Variants in MTRF1 observed in about 807,000 individuals in gnomAD.
MTRF1 encodes the protein peptide chain release factor 1, mitochondrial.
MTRF1 carries 51 observed loss-of-function variants against 62.9 expected under a neutral mutation model. The ratio of observed to expected loss-of-function variants is 0.81; its 90% CI spans 0.65 to 1.02. The LOEUF is 1.02. Ranked by LOEUF, MTRF1 falls within the 50% of genes least tolerant of loss-of-function variation. MTRF1 has a pLI of 0.00. For missense variants in MTRF1, 446 were observed against 530.0 expected (o/e 0.84, Z 1.56); for synonymous variants, 158 against 181.9 (o/e 0.87, Z 1.06).
At chr13:41,303,474 TA>T in the MTRF1 span, among the ~76,000 whole-genome samples, 1 of 152,178 alleles carries the variant, frequency 6.6e-6, no homozygotes, top group Non-Finnish European at 1.5e-5. Flanking sequence ...TGTTGTTGTT[TA>T]AAAAGAAAAC....
Position 41,260,807 on chromosome 13 carries a change from T to A in MTRF1, c.101A>T (p.His34Leu). ...AAAAACTTGCAGCCTTGTATCAAGA[T>A]GTATCTGTCTAAATTGATGAGAATG... Reference protein sequence around the residue: ...QLHSHQFRQIHLDTRLQVFRQ... With the variant: ...QLHSHQFRQILLDTRLQVFRQ... The change falls in exon 2 of 10, where the codon CAT becomes CTT. Residue 34 changes from histidine to leucine, a missense_variant. Coordinates refer to ENST00000379480, the MANE Select transcript of MTRF1 (RefSeq NM_004294.4). 6.2e-7 allele frequency: 1 copy of A among 1,614,164 alleles called. No homozygotes were observed. The highest frequency in any genetic ancestry group is 8.5e-7 in the Non-Finnish European group (1 of 1,180,008).
At chr13:41,249,582 TGAATAA>T (rs988612056) in intron 5 of MTRF1, among the ~76,000 whole-genome samples, 17 of 149,730 alleles carry the variant, frequency 1.1e-4, no homozygotes, top group African/African-American at 3.9e-4. Flanking sequence ...ATAATTTCAA[TGAATAA>T]AGGTTTATTC....
At chr13:41,270,803 T>A in the MTRF1 span, among the ~76,000 whole-genome samples, 1 of 152,190 alleles carries the variant, frequency 6.6e-6, no homozygotes, top group Non-Finnish European at 1.5e-5. Flanking sequence ...TGCAATGGTG[T>A]GATCTCAGCT....
At chr13:41,275,627 G>A in the MTRF1 span, among the ~76,000 whole-genome samples, 1 of 151,918 alleles carries the variant, frequency 6.6e-6, no homozygotes, top group African/African-American at 2.4e-5. Flanking sequence ...TGAGTAGCTG[G>A]GATTACAGGT....
intron 7 of MTRF1, chr13:41,229,562 A>C (rs2035129254): frequency 6.6e-6 from 1 of 152,154 alleles, no homozygotes; most frequent in African/African-American, 2.4e-5. Context: ...AAAGTCAGCA[A>C]TTTATGGCTA....
chr13:41,311,168 C>T, the MTRF1 span: 1 of 379,132 alleles, frequency 2.6e-6, no homozygotes, highest in East Asian at 5.8e-5. Flanking sequence ...GCGGTTGGTC[C>T]CCGCTACGCC....
chr13:41,220,328 A>C (rs1202453786), intron 9 of MTRF1, among the ~76,000 whole-genome samples: 2 of 150,694 alleles, frequency 1.3e-5, no homozygotes, highest in Non-Finnish European at 3.0e-5. Context: ...GTCTCGGAAA[A>C]AAAAAAAAAA....
chr13:41,223,000 A>G (rs1256607532), intron 9 of MTRF1, among the ~76,000 whole-genome samples: 2 of 152,238 alleles, frequency 1.3e-5, no homozygotes, highest in African/African-American at 4.8e-5. Flanking sequence ...CAGACTGAAT[A>G]TACGTTCATG....
At chr13:41,269,185 G>GTTTTT in the MTRF1 span, among the ~76,000 whole-genome samples, 177 of 96,440 alleles carry the variant, frequency 1.8e-3, no homozygotes, top group Non-Finnish European at 2.6e-3. Context: ...CTTTTACCTT[G>GTTTTT]TTTTTTTTTT....
chr13:41,296,730 AAT>A, the MTRF1 span, among the ~76,000 whole-genome samples: 83 of 152,172 alleles, frequency 5.5e-4, 1 homozygote, highest in African/African-American at 1.8e-3. Context: ...TATTTGTATG[AAT>A]ATGTTATTAA....
At chr13:41,249,615 T>TTTTC in intron 5 of MTRF1, among the ~76,000 whole-genome samples, 1 of 124,676 alleles carries the variant, frequency 8.0e-6, no homozygotes, top group African/African-American at 2.9e-5. Context: ...TTTGATTTTT[T>TTTTC]TTTCTTTTTT....
At chr13:41,265,030 T>C (rs77613050), upstream of MTRF1, among the ~76,000 whole-genome samples, 4,098 of 152,324 alleles carry the variant, frequency 0.027, 82 homozygotes, top group Non-Finnish European at 0.044. Context: ...CATAAAGTCA[T>C]TCTCCTAAGT....
intron 9 of MTRF1, chr13:41,220,752 C>A (rs761912237): frequency 6.5e-6 from 3 of 460,472 alleles, no homozygotes; most frequent in Admixed American, 2.8e-5. Context: ...ACTGAAGATG[C>A]TTTCTCTTGG....
chr13:41,219,881 C>A (rs1214331771), intron 9 of MTRF1, among the ~76,000 whole-genome samples: 1 of 151,076 alleles, frequency 6.6e-6, no homozygotes, highest in South Asian at 2.1e-4. Flanking sequence ...GCCTGTAATC[C>A]CAGCTATTCC....
rs535803829 is a variant in MTRF1, at chr13:41,220,681, G to C, written c.1224+2575C>G. 3 of 969,632 alleles carry C rather than the reference G, an allele frequency of 3.1e-6. No individual in the cohort carries two copies. In the African/African-American group the frequency reaches 5.1e-5, roughly 16 times the overall value. 60.1% of individuals were successfully genotyped at this position (969,632 alleles called of 1,614,324 possible). A position where few individuals can be genotyped will look rare whatever the true frequency, so the allele number is the denominator to read the frequency against. On this transcript the variant is annotated intron_variant, in intron 9 of 9. Coordinates refer to ENST00000379480, the MANE Select transcript of MTRF1 (RefSeq NM_004294.4). ...TAAATGTAGGGACTCATATCATCAGGGTTCTTTCTGTCTATTTCTCATTTT... is the reference window on the plus strand; with the variant it reads ...TAAATGTAGGGACTCATATCATCAGCGTTCTTTCTGTCTATTTCTCATTTT...
the MTRF1 span, among the ~76,000 whole-genome samples, chr13:41,283,218 T>C: frequency 6.6e-6 from 1 of 152,220 alleles, no homozygotes; most frequent in Non-Finnish European, 1.5e-5. Context: ...TTTCTCTGTT[T>C]ATCCCTTCCT....
At chr13:41,295,023 G>A in the MTRF1 span, among the ~76,000 whole-genome samples, 42 of 152,020 alleles carry the variant, frequency 2.8e-4, no homozygotes, top group African/African-American at 7.7e-4. Flanking sequence ...CTTATATCTC[G>A]GAAGTTCAAC....
the MTRF1 span, among the ~76,000 whole-genome samples, chr13:41,281,432 A>C: frequency 6.6e-6 from 1 of 152,036 alleles, no homozygotes; most frequent in African/African-American, 2.4e-5. Context: ...TGGGTAAGCA[A>C]AGCCAGGTCC....
At chr13:41,230,650 A>G (rs559320079) in intron 7 of MTRF1, among the ~76,000 whole-genome samples, 1 of 151,116 alleles carries the variant, frequency 6.6e-6, no homozygotes, top group Non-Finnish European at 1.5e-5. Context: ...TATTTTGGAT[A>G]TTTAGGTTGT....
Sources: gnomAD v4.1 joint callset for allele counts (sites outside exome capture counted in the v4.1 genomes callset) on GRCh38, gnomAD v4.1.1 for gene constraint, MANE v1.5 for transcripts, NCBI Gene and HGNC (gene_info 2026-07-23, HGNC 2026-07-21) for gene names.